The following B4GALT5 variants were observed in gnomAD, a reference collection of about 807,000 sequenced individuals.
B4GALT5 encodes the protein UDP-Gal:beta-GlcNAc beta-1,4-galactosyltransferase 5.
Under a neutral mutation model 45.0 loss-of-function variants are expected in B4GALT5, and 11 were observed. The ratio of observed to expected loss-of-function variants is 0.24; its 90% CI spans 0.15 to 0.40. The LOEUF (loss-of-function observed/expected upper bound fraction) is 0.40, where lower values mean the gene tolerates loss of function less well. Ranked by LOEUF, B4GALT5 falls within the 10% of genes least tolerant of loss-of-function variation. The pLI, the probability that B4GALT5 is intolerant of heterozygous loss-of-function variation, is 1.00. For synonymous variants in B4GALT5, 185 were observed against 182.9 expected (o/e 1.01, Z -0.09); for missense variants, 337 against 500.2 (o/e 0.67, Z 3.11).
chr20:49,706,655 G>A (rs2085885183), intron 1 of B4GALT5, among the ~76,000 whole-genome samples: 1 of 152,138 alleles, frequency 6.6e-6, no homozygotes, highest in Non-Finnish European at 1.5e-5. Context: ...CTACTAGAAA[G>A]TGAAGAACAA....
At chr20:49,648,118 C>T (rs1445690550) in intron 2 of B4GALT5, among the ~76,000 whole-genome samples, 1 of 152,070 alleles carries the variant, frequency 6.6e-6, no homozygotes, top group Non-Finnish European at 1.5e-5. Context: ...TTCATGTTTG[C>T]AGTCATTTTT....
chr20:49,661,759 T>C (rs560302175), intron 1 of B4GALT5, among the ~76,000 whole-genome samples: 1 of 152,296 alleles, frequency 6.6e-6, no homozygotes, highest in Non-Finnish European at 1.5e-5. Context: ...ATGAGTAATG[T>C]ATAGACAAAA....
chr20:49,676,681 C>T (rs2085738913), intron 1 of B4GALT5, among the ~76,000 whole-genome samples: 1 of 152,228 alleles, frequency 6.6e-6, no homozygotes, highest in South Asian at 2.1e-4. Context: ...CAGATGCGTA[C>T]AAACTCCCTA....
At chr20:49,667,691 G>T (rs1242588237) in intron 1 of B4GALT5, among the ~76,000 whole-genome samples, 2 of 152,174 alleles carry the variant, frequency 1.3e-5, no homozygotes, top group Non-Finnish European at 2.9e-5. Flanking sequence ...GATTATAGGT[G>T]TGAGCCACCC....
At chr20:49,690,681 A>G (rs2085806926) in intron 1 of B4GALT5, among the ~76,000 whole-genome samples, 1 of 152,204 alleles carries the variant, frequency 6.6e-6, no homozygotes, top group Non-Finnish European at 1.5e-5. Flanking sequence ...TTAAATGCAT[A>G]TAAGCCATTT....
Position 49,642,593 on chromosome 20 carries a change from G to A in B4GALT5, c.490-9C>T, listed in dbSNP as rs16994762. On this transcript the variant is annotated splice_polypyrimidine_tract_variant and intron_variant, in intron 4 of 8. Coordinates refer to ENST00000371711, the MANE Select transcript of B4GALT5 (RefSeq NM_004776.4). ...GGGATAAGGATCGCCACCTGGAGTGGATTACAGCAAAAGAAGCACAGTTAG... is the reference window on the plus strand; with the variant it reads ...GGGATAAGGATCGCCACCTGGAGTGAATTACAGCAAAAGAAGCACAGTTAG... 5,619 of 1,598,166 alleles carry A rather than the reference G, an allele frequency of 3.5e-3. 183 individuals carry two copies. In the African/African-American group the frequency reaches 0.069, roughly 20 times the overall value.
chr20:49,648,456 G>A (rs558870451), intron 2 of B4GALT5, among the ~76,000 whole-genome samples: 1 of 152,202 alleles, frequency 6.6e-6, no homozygotes, highest in African/African-American at 2.4e-5. Flanking sequence ...TATTTTAGTT[G>A]CCACCTTTGC....
At chr20:49,671,088 T>A (rs1261916561) in intron 1 of B4GALT5, among the ~76,000 whole-genome samples, 1 of 152,164 alleles carries the variant, frequency 6.6e-6, no homozygotes, top group Non-Finnish European at 1.5e-5. Flanking sequence ...TTAAAAATCA[T>A]ACCGTGCAGG....
At chr20:49,661,806 A>T (rs1278847014) in intron 1 of B4GALT5, among the ~76,000 whole-genome samples, 1 of 152,222 alleles carries the variant, frequency 6.6e-6, no homozygotes, top group Non-Finnish European at 1.5e-5. Flanking sequence ...AAATGCGACA[A>T]CATTTAACAC....
At chr20:49,664,849 C>CTTA (rs2085682427) in intron 1 of B4GALT5, among the ~76,000 whole-genome samples, 1 of 152,158 alleles carries the variant, frequency 6.6e-6, no homozygotes, top group African/African-American at 2.4e-5. Flanking sequence ...CATGTATGAG[C>CTTA]TTATGTATGC....
chr20:49,669,007 G>A (rs183035469), intron 1 of B4GALT5, among the ~76,000 whole-genome samples: 29 of 152,082 alleles, frequency 1.9e-4, no homozygotes, highest in East Asian at 1.9e-4. Context: ...GACCACAGGC[G>A]TACACCACCA....
In B4GALT5 at chr20:49,636,085, C is replaced by T. The variant is rs1207985616; in HGVS notation, c.*227G>A. The T allele has an allele frequency of 3.6e-6, 2 of 556,390 alleles. No homozygotes were observed. Among genetic ancestry groups the T allele is most frequent in the Admixed American group, 6.3e-5 (2 of 31,618 alleles). The allele number at this position is 556,390 out of a possible 1,614,324, so 34.5% of individuals were successfully genotyped here. ...CGTCTGTCTTGTGAAAACAGAAAGCCAGTGCTGACGAAGGAAGTCCCCAAG... is the reference window on the plus strand; with the variant it reads ...CGTCTGTCTTGTGAAAACAGAAAGCTAGTGCTGACGAAGGAAGTCCCCAAG... On this transcript the variant is annotated 3_prime_UTR_variant, in exon 9 of 9. Coordinates refer to ENST00000371711, the MANE Select transcript of B4GALT5 (RefSeq NM_004776.4).
At chr20:49,712,971 G>C (rs890466522) in intron 1 of B4GALT5, among the ~76,000 whole-genome samples, 1 of 151,590 alleles carries the variant, frequency 6.6e-6, no homozygotes, top group Non-Finnish European at 1.5e-5. Context: ...AGAGGTGAAC[G>C]TGAGTTAGGG....
Position 49,647,074 on chromosome 20 carries a change from A to G in B4GALT5, c.255T>C (p.Tyr85=). 1 of 1,610,856 alleles carries G rather than the reference A, an allele frequency of 6.2e-7. No individual in the cohort carries two copies. The highest frequency in any genetic ancestry group is 8.5e-7 in the Non-Finnish European group (1 of 1,177,492). The change falls in exon 3 of 9, where the codon TAT becomes TAC. Residue 85 remains tyrosine, a synonymous_variant. Transcript: ENST00000371711. ...TTTCACTGTGGTTCAAGTCAAGAGGATAATCTAGGGAGGTAAAGGAAAAAA... is the reference window on the plus strand; with the variant it reads ...TTTCACTGTGGTTCAAGTCAAGAGGGTAATCTAGGGAGGTAAAGGAAAAAA... ...KRNSSVNDSD[Y]PLDLNHSETF...
At chr20:49,663,459 G>C (rs1376431278) in intron 1 of B4GALT5, among the ~76,000 whole-genome samples, 1 of 150,602 alleles carries the variant, frequency 6.6e-6, no homozygotes. Context: ...AAAAAACATA[G>C]GAAGAGTAAA....
rs145343016 is a variant in B4GALT5 at position 49,635,974 on chromosome 20, G to A, written c.*338C>T. 1,171 of 263,258 alleles carry A rather than the reference G, an allele frequency of 4.4e-3. 10 individuals are homozygous for A. Among genetic ancestry groups the A allele is most frequent in the Middle Eastern group, 0.015 (11 of 716 alleles). 16.3% of individuals were successfully genotyped at this position (263,258 alleles called of 1,614,324 possible). On this transcript the variant is annotated 3_prime_UTR_variant, in exon 9 of 9. Coordinates refer to ENST00000371711, the MANE Select transcript of B4GALT5 (RefSeq NM_004776.4). ...CACGGCAGGACCACGGCAGGACCAC[G>A]GCAGATCACAGTTCATCATGGGTTC...
chr20:49,649,642 A>G (rs1341349676), intron 2 of B4GALT5, among the ~76,000 whole-genome samples: 1 of 152,064 alleles, frequency 6.6e-6, no homozygotes, highest in Non-Finnish European at 1.5e-5. Flanking sequence ...TTTACACAGA[A>G]ATTCTCTGAG....
intron 1 of B4GALT5, among the ~76,000 whole-genome samples, chr20:49,700,413 G>A (rs1487940192): frequency 2.0e-5 from 3 of 152,164 alleles, no homozygotes; most frequent in African/African-American, 4.8e-5. Context: ...CCAGGCTCAT[G>A]CGATCCCAAG....
chr20:49,637,160 C>T (rs2085557546), intron 8 of B4GALT5, among the ~76,000 whole-genome samples, 181 bp downstream of exon 8: 1 of 152,110 alleles, frequency 6.6e-6, no homozygotes. Flanking sequence ...AAATGTTCAC[C>T]AACGGTCTGA....
Sources: allele counts gnomAD v4.1 joint callset (sites outside exome capture counted in the v4.1 genomes callset), GRCh38; gene constraint gnomAD v4.1.1; transcripts MANE v1.5; gene names NCBI Gene and HGNC (gene_info 2026-07-23, HGNC 2026-07-21).